The following REDIC1 variants were observed in gnomAD, a reference collection of about 807,000 sequenced individuals.
REDIC1 encodes the protein regulator of DNA class I crossover intermediates 1, also known as HEI10 Interacting Protein 1.
chr12:39,841,160 T>G, the REDIC1 span, among the ~76,000 whole-genome samples: 3 of 152,114 alleles, frequency 2.0e-5, no homozygotes, highest in African/African-American at 7.2e-5. Context: ...TTTATAGTAG[T>G]GAGGTCTACT....
the REDIC1 span, among the ~76,000 whole-genome samples, chr12:39,784,932 G>C: frequency 1.3e-5 from 2 of 152,218 alleles, no homozygotes; most frequent in Admixed American, 1.3e-4. Context: ...AAATTTCTAA[G>C]CAGCAAAGCA....
chr12:39,808,324 T>A, the REDIC1 span, among the ~76,000 whole-genome samples: 1 of 152,148 alleles, frequency 6.6e-6, no homozygotes, highest in African/African-American at 2.4e-5. Context: ...TATGGGTGTA[T>A]CATAATTTGT....
chr12:39,892,239 C>A, the REDIC1 span, among the ~76,000 whole-genome samples: 1 of 152,218 alleles, frequency 6.6e-6, no homozygotes, highest in Non-Finnish European at 1.5e-5. Flanking sequence ...TTGTCTATCT[C>A]ATTAATCTGC....
the REDIC1 span, among the ~76,000 whole-genome samples, chr12:39,806,737 G>A: frequency 1.3e-5 from 2 of 152,102 alleles, no homozygotes; most frequent in Non-Finnish European, 2.9e-5. Flanking sequence ...ATTATACTGT[G>A]GGAAACATGG....
chr12:39,632,461 A>G, the REDIC1 span, among the ~76,000 whole-genome samples: 1 of 152,206 alleles, frequency 6.6e-6, no homozygotes, highest in East Asian at 1.9e-4. Context: ...ACAACGTAGT[A>G]AAACCAATAT....
At chr12:39,899,006 A>G in the REDIC1 span, among the ~76,000 whole-genome samples, 2 of 152,266 alleles carry the variant, frequency 1.3e-5, no homozygotes, top group East Asian at 3.9e-4. Context: ...AAAATGAGTT[A>G]GGGAGGATTC....
chr12:39,830,207 C>T, the REDIC1 span: 1 of 1,613,350 alleles, frequency 6.2e-7, no homozygotes, highest in Non-Finnish European at 8.5e-7. Flanking sequence ...AGTCTGGATC[C>T]AACATACATT....
At chr12:39,765,296 A>C in the REDIC1 span, among the ~76,000 whole-genome samples, 20,354 of 152,020 alleles carry the variant, frequency 0.13, 1,637 homozygotes, top group East Asian at 0.4. Context: ...GTAACCTGTA[A>C]AGGGTGATGG....
the REDIC1 span, among the ~76,000 whole-genome samples, chr12:39,650,080 T>A: frequency 0.011 from 1,624 of 152,184 alleles, 27 homozygotes; most frequent in African/African-American, 0.036. The surrounding 1 kb of genome is among the most constrained non-coding windows in gnomAD (Gnocchi z 4.3). Context: ...AACTATTTAT[T>A]TTGTTTTCAA....
chr12:39,644,626 A>G, the REDIC1 span, among the ~76,000 whole-genome samples: 1 of 151,836 alleles, frequency 6.6e-6, no homozygotes, highest in South Asian at 2.1e-4. Flanking sequence ...TTCTCCCTCC[A>G]CAGATAACAG....
the REDIC1 span, among the ~76,000 whole-genome samples, chr12:39,838,059 T>C: frequency 8.7e-5 from 13 of 149,188 alleles, no homozygotes; most frequent in Middle Eastern, 6.8e-3. Flanking sequence ...TATTGTGGCA[T>C]TATTCACAAT....
the REDIC1 span, among the ~76,000 whole-genome samples, chr12:39,710,019 A>G: frequency 3.3e-5 from 5 of 151,678 alleles, no homozygotes; most frequent in Non-Finnish European, 7.4e-5. Flanking sequence ...TGGTCACCCT[A>G]AGAAGTGTGA....
the REDIC1 span, among the ~76,000 whole-genome samples, chr12:39,761,768 A>G: frequency 1.3e-5 from 2 of 152,096 alleles, no homozygotes; most frequent in South Asian, 2.1e-4. Context: ...TAAAGAAAAA[A>G]TAAGTACAGA....
the REDIC1 span, among the ~76,000 whole-genome samples, chr12:39,855,294 T>TC: frequency 6.6e-6 from 1 of 152,262 alleles, no homozygotes; most frequent in African/African-American, 2.4e-5. Context: ...TATAACAAGT[T>TC]TATTTTTAAA....
chr12:39,745,872 T>C, the REDIC1 span: 6 of 152,236 alleles, frequency 3.9e-5, no homozygotes, highest in African/African-American at 1.4e-4. Context: ...TGGGAAAAAC[T>C]TCCGCTATTC....
At chr12:39,883,923 T>G in the REDIC1 span, among the ~76,000 whole-genome samples, 1 of 152,088 alleles carries the variant, frequency 6.6e-6, no homozygotes, top group Non-Finnish European at 1.5e-5. Context: ...CACAGAAAAA[T>G]AAGGCAAATC....
chr12:39,764,741 T>C, the REDIC1 span: 1 of 1,612,240 alleles, frequency 6.2e-7, no homozygotes, highest in Non-Finnish European at 8.5e-7. Flanking sequence ...GTTTACCAGG[T>C]GCAAAGAAGA....
chr12:39,747,416 C>T, the REDIC1 span, among the ~76,000 whole-genome samples: 18 of 152,230 alleles, frequency 1.2e-4, no homozygotes, highest in East Asian at 3.9e-4. Context: ...CCAATAAATA[C>T]GGGACTATGT....
chr12:39,856,618 C>A, the REDIC1 span, among the ~76,000 whole-genome samples: 1 of 152,170 alleles, frequency 6.6e-6, no homozygotes, highest in African/African-American at 2.4e-5. Context: ...TTGCCCACCT[C>A]GGCCTCCCAA....
Sources: gnomAD v4.1 joint callset for allele counts (sites outside exome capture counted in the v4.1 genomes callset) on GRCh38, gnomAD v4.1.1 for gene constraint, Gnocchi (gnomAD v3.1) non-coding constraint, MANE v1.5 for transcripts, NCBI Gene and HGNC (gene_info 2026-07-23, HGNC 2026-07-21) for gene names.